The following ME1 variants were observed in gnomAD, a reference collection of about 807,000 sequenced individuals.
The protein encoded by ME1 is malic enzyme 1.
A neutral mutation model predicts 66.4 loss-of-function variants in ME1; 74 were observed. The observed-to-expected ratio is 1.11, with a 90% confidence interval of 0.92 to 1.35. ME1 has a LOEUF of 1.35. Ranked by LOEUF, ME1 falls within the 40% of genes most tolerant of loss-of-function variation. The pLI is 0.00. For synonymous variants in ME1, 251 were observed against 235.6 expected, an observed-to-expected ratio of 1.07 and a Z score of -0.60; for missense variants, 750 against 694.1, an observed-to-expected ratio of 1.08 and a Z score of -0.90.
intron 6 of ME1, among the ~76,000 whole-genome samples, chr6:83,288,515 T>A (rs887491569): frequency 2.6e-4 from 39 of 152,180 alleles, no homozygotes; most frequent in Non-Finnish European, 4.9e-4. Context: ...TTGGTCTATA[T>A]ATCTGTTTTG....
chr6:83,298,579 A>G (rs1233340739), intron 6 of ME1, among the ~76,000 whole-genome samples: 1 of 152,026 alleles, frequency 6.6e-6, no homozygotes. Flanking sequence ...ATTAGATTCC[A>G]TTTGTCAATT....
At chr6:83,393,012 C>A in intron 3 of ME1, 3 of 1,092,056 alleles carry the variant, frequency 2.7e-6, no homozygotes, top group South Asian at 1.3e-5. Flanking sequence ...TGGGGCTCTC[C>A]AGAACATCCT....
At chr6:83,270,546 C>A (rs1767065478) in intron 6 of ME1, among the ~76,000 whole-genome samples, 4 of 152,050 alleles carry the variant, frequency 2.6e-5, no homozygotes, top group Admixed American at 1.3e-4. Context: ...CTACTGCATG[C>A]AGTAGTGGCA....
chr6:83,392,539 A>G, intron 3 of ME1: 15 of 544,262 alleles, frequency 2.8e-5, no homozygotes, highest in South Asian at 2.1e-4. Context: ...TGACCTCAAC[A>G]ACACTGTCTA....
chr6:83,322,634 T>C (rs142409711), intron 5 of ME1, among the ~76,000 whole-genome samples: 1 of 151,990 alleles, frequency 6.6e-6, no homozygotes, highest in Non-Finnish European at 1.5e-5. Context: ...TGAAGAAAAC[T>C]TCCAAGAAAT....
chr6:83,414,607 A>T (rs1366742601), intron 1 of ME1, among the ~76,000 whole-genome samples: 3 of 151,670 alleles, frequency 2.0e-5, no homozygotes, highest in Non-Finnish European at 2.9e-5. Context: ...GTTTGCTTAA[A>T]TTTTTTTTTA....
intron 5 of ME1, among the ~76,000 whole-genome samples, chr6:83,316,185 GACT>G (rs1183602878): frequency 6.6e-6 from 1 of 152,010 alleles, no homozygotes. Context: ...ATAGTTAACA[GACT>G]TTAAAATAAA....
intron 5 of ME1, among the ~76,000 whole-genome samples, chr6:83,329,757 T>C (rs574201622): frequency 6.6e-6 from 1 of 152,186 alleles, no homozygotes; most frequent in Non-Finnish European, 1.5e-5. Flanking sequence ...CCTTAGGCAA[T>C]TTGTATAGTG....
At chr6:83,373,753 G>A (rs1265147186) in intron 3 of ME1, among the ~76,000 whole-genome samples, 4 of 151,928 alleles carry the variant, frequency 2.6e-5, no homozygotes, top group Non-Finnish European at 5.9e-5. Context: ...TATTTGTCCT[G>A]ATCTCCTTCC....
At chr6:83,422,462 G>C (rs1178096124) in intron 1 of ME1, among the ~76,000 whole-genome samples, 1 of 152,078 alleles carries the variant, frequency 6.6e-6, no homozygotes, top group African/African-American at 2.4e-5. Flanking sequence ...ACTCAACATA[G>C]AAACAGGAAA....
At chr6:83,390,934 AT>A (rs1411794589) in intron 3 of ME1, among the ~76,000 whole-genome samples, 1 of 152,092 alleles carries the variant, frequency 6.6e-6, no homozygotes, top group Non-Finnish European at 1.5e-5. Context: ...ATATGTAAAC[AT>A]ATTTATTTCT....
chr6:83,349,768 A>T (rs2128544319), intron 4 of ME1, among the ~76,000 whole-genome samples: 1 of 152,328 alleles, frequency 6.6e-6, no homozygotes, highest in East Asian at 1.9e-4. Context: ...TGAATTTCAA[A>T]ACCTTTTACA....
chr6:83,287,572 G>C (rs1414509414), intron 6 of ME1, among the ~76,000 whole-genome samples: 2 of 152,168 alleles, frequency 1.3e-5, no homozygotes, highest in Admixed American at 1.3e-4. Context: ...ATTTGGGTTG[G>C]TTCCAAGTCT....
chr6:83,215,491 C>G (rs904597919), intron 13 of ME1, among the ~76,000 whole-genome samples: 1 of 152,126 alleles, frequency 6.6e-6, no homozygotes, highest in Non-Finnish European at 1.5e-5. Flanking sequence ...TCCTCCCACC[C>G]CAAATTCAGT....
intron 7 of ME1, among the ~76,000 whole-genome samples, chr6:83,243,995 T>C (rs2128526665): frequency 6.6e-6 from 1 of 150,426 alleles, no homozygotes; most frequent in Admixed American, 6.7e-5. Flanking sequence ...AACTTGAGGC[T>C]CATTTTCTGG....
intron 7 of ME1, among the ~76,000 whole-genome samples, chr6:83,248,207 A>C (rs926806303): frequency 1.3e-5 from 2 of 152,176 alleles, no homozygotes; most frequent in Admixed American, 6.6e-5. Flanking sequence ...TCTTAAACTG[A>C]ACTCTGTTTC....
chr6:83,394,242 G>A (rs1177310749), intron 3 of ME1, among the ~76,000 whole-genome samples: 1 of 151,956 alleles, frequency 6.6e-6, no homozygotes, highest in Non-Finnish European at 1.5e-5. Flanking sequence ...ATGTAGTTTA[G>A]TATGAAGTTT....
Position 83,300,610 on chromosome 6 carries a change from C to CTTTTTTTTTT in ME1, c.704+14690_704+14699dup, listed in dbSNP as rs35205380. Among the ~76,000 whole-genome samples, 224 of 84,928 alleles carry CTTTTTTTTTT rather than the reference C, an allele frequency of 2.6e-3. 1 individual carries two copies. The highest frequency in any genetic ancestry group is 0.011 in the Middle Eastern group (1 of 94). 55.7% of individuals were successfully genotyped at this position (84,928 alleles called of 152,430 possible). A position where few individuals can be genotyped will look rare whatever the true frequency, so the allele number is the denominator to read the frequency against. On this transcript the variant is annotated intron_variant, in intron 6 of 13. Coordinates refer to ENST00000369705, the MANE Select transcript of ME1 (RefSeq NM_002395.6). ...TTCTTTTATTTTCCTTTCTTTCTTT[C>CTTTTTTTTTT]TTTTTTTTTTTTTTTTTTTTTTTGA...
chr6:83,376,319 A>G (rs988193550), intron 3 of ME1, among the ~76,000 whole-genome samples: 1 of 151,998 alleles, frequency 6.6e-6, no homozygotes, highest in African/African-American at 2.4e-5. Context: ...CAACATGGTG[A>G]AACCCCATCT....
Sources: gnomAD v4.1 joint callset for allele counts (sites outside exome capture counted in the v4.1 genomes callset) on GRCh38, gnomAD v4.1.1 for gene constraint, MANE v1.5 for transcripts, NCBI Gene and HGNC (gene_info 2026-07-23, HGNC 2026-07-21) for gene names.